CHD7: variants seen among roughly 807,000 people sequenced by gnomAD.
The protein encoded by CHD7 is chromodomain helicase DNA binding protein 7.
Under a neutral mutation model 307.3 loss-of-function variants are expected in CHD7, and 24 were observed. The ratio of observed to expected loss-of-function variants is 0.08; its 90% CI spans 0.06 to 0.11. CHD7 has a LOEUF of 0.11. Among genes scored for constraint, CHD7 ranks in the 10% least tolerant of loss-of-function variants. CHD7 has a pLI of 1.00. For synonymous variants in CHD7, 1,363 were observed against 1,349.9 expected (o/e 1.01, Z -0.21); for missense variants, 3,106 against 3,727.1 (o/e 0.83, Z 4.34).
chr8:60,695,126 T>C (rs1806406162), intron 1 of CHD7, among the ~76,000 whole-genome samples: 1 of 152,106 alleles, frequency 6.6e-6, no homozygotes, highest in African/African-American at 2.4e-5. Flanking sequence ...AAAGCCTCCT[T>C]TCGAGAGAAG....
At chr8:60,808,053 C>T (rs1031251555) in intron 6 of CHD7, among the ~76,000 whole-genome samples, 164 bp from the exon 7 acceptor site, 3 of 152,246 alleles carry the variant, frequency 2.0e-5, no homozygotes, top group South Asian at 2.1e-4. Flanking sequence ...TGGCAGTCTT[C>T]GTGGCCCTGG....
In CHD7 at chr8:60,804,603, G is replaced by A. The variant is rs546836303; in HGVS notation, c.2442+3010G>A. On this transcript the variant is annotated intron_variant, in intron 6 of 37. Transcript: ENST00000423902. ...AGTAGATAGGGCCAAAAGTGAAAAG[G>A]GATTCATACCCACGCCTTATTGATA... 4.8e-4 allele frequency among the ~76,000 whole-genome samples: 73 copies of A among 152,228 alleles called. 1 individual carries two copies. The South Asian group carries it at 0.013, about 27-fold the overall frequency.
chr8:60,819,772 G>A (rs962990751), intron 8 of CHD7, among the ~76,000 whole-genome samples: 1 of 152,198 alleles, frequency 6.6e-6, no homozygotes, highest in Non-Finnish European at 1.5e-5. Flanking sequence ...TTCTCTCACA[G>A]TAAAAGGTTT....
intron 1 of CHD7, among the ~76,000 whole-genome samples, chr8:60,731,153 G>A (rs1254528145): frequency 6.6e-6 from 1 of 152,102 alleles, no homozygotes; most frequent in Non-Finnish European, 1.5e-5. Context: ...TAGTGATGCT[G>A]GTGATTTGGA....
At chr8:60,804,978 A>G (rs1185244851) in intron 6 of CHD7, among the ~76,000 whole-genome samples, 1 of 152,246 alleles carries the variant, frequency 6.6e-6, no homozygotes, top group Non-Finnish European at 1.5e-5. Flanking sequence ...AATTCATAAT[A>G]TTACTGGGTT....
chr8:60,683,979 T>A (rs1018612889), intron 1 of CHD7, among the ~76,000 whole-genome samples: 2 of 152,150 alleles, frequency 1.3e-5, no homozygotes, highest in Non-Finnish European at 1.5e-5. Flanking sequence ...ATTTGACAAC[T>A]GTTTTCACTT....
intron 2 of CHD7, among the ~76,000 whole-genome samples, chr8:60,748,970 A>ATT (rs1216748648): frequency 7.3e-6 from 1 of 137,240 alleles, no homozygotes; most frequent in Admixed American, 7.3e-5. Context: ...CAGTGGTACA[A>ATT]TTTTTTTTTT....
intron 1 of CHD7, among the ~76,000 whole-genome samples, chr8:60,735,801 C>T (rs1440216292): frequency 2.0e-5 from 3 of 152,178 alleles, no homozygotes; most frequent in African/African-American, 7.2e-5. Context: ...CATAGGAGTG[C>T]TTTCCATGTA....
intron 5 of CHD7, 51 bp downstream of exon 5, chr8:60,800,576 A>G (rs2150709327): frequency 4.1e-6 from 2 of 483,014 alleles, no homozygotes; most frequent in South Asian, 9.1e-5. Flanking sequence ...GATGGACTAG[A>G]AATTTCATTG....
intron 2 of CHD7, among the ~76,000 whole-genome samples, chr8:60,762,173 TAAAC>T (rs1221182404): frequency 6.6e-6 from 1 of 152,152 alleles, no homozygotes; most frequent in Admixed American, 6.5e-5. Flanking sequence ...AAAGCACAAA[TAAAC>T]AAAAGCCCCA....
Position 60,741,776 on chromosome 8 carries a change from A to C in CHD7, c.344A>C (p.His115Pro). 1 of 1,613,826 alleles carries C rather than the reference A, an allele frequency of 6.2e-7. No individual in the cohort carries two copies. The highest frequency in any genetic ancestry group is 8.5e-7 in the Non-Finnish European group (1 of 1,179,832). ...ACCCCTCCCGTTCCTCAGGTGCCCC[A>C]TGGTGGCAGTGGTGGCGGTCAGATG... ...YHTPPVPQVPHGGSGGGQMGV... is the reference protein window; with the variant it reads ...YHTPPVPQVPPGGSGGGQMGV... Residue 115 changes from histidine (H) to proline (P), a missense_variant, in exon 2 of 38, where the codon CAT (histidine) becomes CCT (proline). Physicochemically the swap from His to Pro is moderately conservative, Grantham distance 77. Around this residue, in one of 10 missense-constraint regions of CHD7, gnomAD observed 998 missense variants for 1,004.5 expected, o/e 0.99. Coordinates refer to ENST00000423902, the MANE Select transcript of CHD7 (RefSeq NM_017780.4).
Position 60,851,014 on chromosome 8 carries a change from T to G in CHD7, c.5535-18T>G, listed in dbSNP as rs771187265. 1 of 1,527,846 alleles carries G rather than the reference T, an allele frequency of 6.5e-7. No individual in the cohort carries two copies. Among genetic ancestry groups the G allele is most frequent in the South Asian group, 1.2e-5 (1 of 81,186 alleles). 94.6% of individuals were successfully genotyped at this position (1,527,846 alleles called of 1,614,324 possible). The stretch of plus-strand genomic sequence containing the variant: ...TTATCAGTATGATTCAAATAATTTT[T>G]GTGTTTGTTTTACATAGGGGAGAAT... On this transcript the variant is annotated intron_variant, in intron 26 of 37. Coordinates refer to ENST00000423902, the MANE Select transcript of CHD7 (RefSeq NM_017780.4).
intron 2 of CHD7, among the ~76,000 whole-genome samples, chr8:60,768,990 AATG>A (rs1026491744): frequency 2.0e-5 from 3 of 152,246 alleles, no homozygotes; most frequent in Non-Finnish European, 4.4e-5. Context: ...TTTAGGCTGA[AATG>A]AAGATATTCT....
chr8:60,690,860 ACT>A (rs1471508851), intron 1 of CHD7, among the ~76,000 whole-genome samples: 1 of 151,148 alleles, frequency 6.6e-6, no homozygotes, highest in Non-Finnish European at 1.5e-5. Flanking sequence ...ACAGTCGCCG[ACT>A]CCCTGTCATT....
chr8:60,748,015 G>A (rs1809419080), intron 2 of CHD7, among the ~76,000 whole-genome samples: 1 of 152,188 alleles, frequency 6.6e-6, no homozygotes, highest in African/African-American at 2.4e-5. Context: ...TTTCATAGTT[G>A]TTTGACTTTA....
chr8:60,844,694 C>G (rs1461015540), intron 21 of CHD7, among the ~76,000 whole-genome samples, 170 bp from the exon 22 acceptor site: 1 of 152,190 alleles, frequency 6.6e-6, no homozygotes, highest in African/African-American at 2.4e-5. Context: ...GGGCAGCTTA[C>G]TGTATAAAGG....
chr8:60,829,626 T>A (rs1242596879), intron 14 of CHD7, among the ~76,000 whole-genome samples: 1 of 152,014 alleles, frequency 6.6e-6, no homozygotes, highest in Non-Finnish European at 1.5e-5. Context: ...AAAAGAAAAG[T>A]GCTTGGCTAT....
intron 1 of CHD7, among the ~76,000 whole-genome samples, chr8:60,728,583 T>C (rs1808286280): frequency 6.6e-6 from 1 of 152,156 alleles, no homozygotes; most frequent in Non-Finnish European, 1.5e-5. Flanking sequence ...TGGAGAGCAA[T>C]GGCGCGATCT....
chr8:60,816,113 G>GTCTGTCTGTCTCTCTCTCTCTC (rs58405811), intron 7 of CHD7, among the ~76,000 whole-genome samples: 15 of 139,232 alleles, frequency 1.1e-4, no homozygotes, highest in African/African-American at 4.0e-4. Flanking sequence ...CTGTCTGTCT[G>GTCTGTCTGTCTCTCTCTCTCTC]TCTCTCTCTC....
Sources: gnomAD v4.1 joint callset for allele counts (sites outside exome capture counted in the v4.1 genomes callset) on GRCh38, gnomAD v4.1.1 for gene constraint, gnomAD v4.1.1 regional missense constraint, MANE v1.5 for transcripts, NCBI Gene and HGNC (gene_info 2026-07-23, HGNC 2026-07-21) for gene names.